Variants in PKD2 observed in about 807,000 individuals in gnomAD.
The protein encoded by PKD2 is polycystin 2, transient receptor potential cation channel, also known as polycystin-2.
PKD2 carries 48 observed loss-of-function variants against 105.9 expected under a neutral mutation model. The ratio of observed to expected loss-of-function variants is 0.45; its 90% CI spans 0.36 to 0.58. The LOEUF (loss-of-function observed/expected upper bound fraction) is 0.58. Ranked by LOEUF, PKD2 falls within the 20% of genes least tolerant of loss-of-function variation. The pLI, the probability that PKD2 is intolerant of heterozygous loss-of-function variation, is 0.00. For missense variants in PKD2, 1,078 were observed against 1,255.3 expected (o/e 0.86, Z 2.13); for synonymous variants, 464 against 481.1 (o/e 0.96, Z 0.46).
chr4:88,033,248 G>T (rs28384219), intron 2 of PKD2, among the ~76,000 whole-genome samples: 1 of 151,962 alleles, frequency 6.6e-6, no homozygotes. Flanking sequence ...GCAGCATGGC[G>T]AAACCCCGTC....
At chr4:88,049,302 C>G (rs1727890066) in intron 6 of PKD2, among the ~76,000 whole-genome samples, 1 of 152,214 alleles carries the variant, frequency 6.6e-6, no homozygotes, top group African/African-American at 2.4e-5. Context: ...TTTCTTACCA[C>G]CTACCTAGAA....
chr4:88,070,633 G>GAGAGAGAGAGAA (rs1720997808), intron 13 of PKD2, among the ~76,000 whole-genome samples: 5 of 147,076 alleles, frequency 3.4e-5, no homozygotes, highest in African/African-American at 1.2e-4. Context: ...GAGAGAAAGA[G>GAGAGAGAGAGAA]AGAGAGAGAG....
chr4:88,024,457 G>GAAA (rs552942631), intron 2 of PKD2, among the ~76,000 whole-genome samples: 49 of 50,362 alleles, frequency 9.7e-4, no homozygotes, highest in African/African-American at 3.7e-3. Flanking sequence ...ACTCTGTCTC[G>GAAA]AAAAAAAAAA....
chr4:88,008,036 G>A lies in PKD2; in HGVS notation c.303G>A (p.Glu101=), dbSNP rs1410235768. ...GCTTCGAGGCCGAGGAGGAGGAGGA[G>A]GAGGTGGAAGGGGAAGAAGGCGGAA... ...NPGFEAEEEE[E]EVEGEEGGMV... is the part of the protein sequence containing the mutation. Residue 101 remains glutamate (E), a synonymous_variant, in exon 1 of 15, where the codon GAG becomes GAA. Transcript: ENST00000237596. 14 of 1,521,676 alleles carry A rather than the reference G, an allele frequency of 9.2e-6. No individual in the cohort carries two copies. The highest frequency in any genetic ancestry group is 1.7e-4 in the Middle Eastern group (1 of 5,946). 94.3% of individuals were successfully genotyped at this position (1,521,676 alleles called of 1,614,324 possible). A position where few individuals can be genotyped will look rare whatever the true frequency, so the allele number is the denominator to read the frequency against.
At chr4:88,011,499 T>C (rs757615939) in intron 1 of PKD2, among the ~76,000 whole-genome samples, 1 of 152,152 alleles carries the variant, frequency 6.6e-6, no homozygotes, top group Non-Finnish European at 1.5e-5. Flanking sequence ...CCTGGAATAA[T>C]GAATGAAATA....
intron 2 of PKD2, among the ~76,000 whole-genome samples, chr4:88,035,465 G>A (rs1291899188): frequency 1.3e-5 from 2 of 152,336 alleles, no homozygotes; most frequent in East Asian, 3.9e-4. Context: ...ACAAGGGGAA[G>A]TGATGCACTC....
At chr4:88,050,889 A>G (rs1288056074) in intron 6 of PKD2, among the ~76,000 whole-genome samples, 1 of 152,192 alleles carries the variant, frequency 6.6e-6, no homozygotes, top group Non-Finnish European at 1.5e-5. Flanking sequence ...GGTCTTTGCT[A>G]TGAGAATCAG....
intron 13 of PKD2, 74 bp from the exon 14 acceptor site, chr4:88,074,738 C>T: frequency 1.3e-6 from 2 of 1,504,204 alleles, no homozygotes; most frequent in Non-Finnish European, 1.9e-6. Flanking sequence ...CTTAGCACTT[C>T]CTTTTGAAAA....
chr4:88,064,672 G>A (rs189776967), intron 10 of PKD2, among the ~76,000 whole-genome samples: 3 of 151,762 alleles, frequency 2.0e-5, no homozygotes, highest in Non-Finnish European at 4.4e-5. Context: ...CAGGCAGATC[G>A]CTTGAGCTCA....
intron 13 of PKD2, among the ~76,000 whole-genome samples, chr4:88,070,688 A>G (rs1578151061): frequency 6.6e-6 from 1 of 151,148 alleles, no homozygotes; most frequent in African/African-American, 2.4e-5. Flanking sequence ...GCTGGAGTAC[A>G]GTGGTGTAAT....
At chr4:88,044,477 C>A (rs1259961435) in intron 5 of PKD2, among the ~76,000 whole-genome samples, 4 of 152,156 alleles carry the variant, frequency 2.6e-5, no homozygotes, top group Non-Finnish European at 5.9e-5. Flanking sequence ...TTGTATTTAA[C>A]AACATTTGCA....
At chr4:88,047,021 T>C in intron 6 of PKD2, 151 bp downstream of exon 6, 1 of 689,188 alleles carries the variant, frequency 1.5e-6, no homozygotes. Context: ...ACTAATTATT[T>C]TCTCATTTTG....
chr4:88,068,581 A>T (rs985562753), intron 13 of PKD2, among the ~76,000 whole-genome samples: 2 of 152,250 alleles, frequency 1.3e-5, no homozygotes, highest in African/African-American at 2.4e-5. Context: ...ATTTCTACCA[A>T]TGAAAAATGT....
At chr4:88,012,538 A>AT (rs938963394) in intron 1 of PKD2, among the ~76,000 whole-genome samples, 4 of 151,916 alleles carry the variant, frequency 2.6e-5, no homozygotes, top group South Asian at 2.1e-4. Flanking sequence ...CTGCCTCTCT[A>AT]TTTTTTTTAA....
chr4:88,041,004 A>C (rs575991483), intron 4 of PKD2, among the ~76,000 whole-genome samples: 1 of 152,316 alleles, frequency 6.6e-6, no homozygotes, highest in Admixed American at 6.5e-5. Flanking sequence ...CAGGAAACAG[A>C]AGAAACGTCC....
chr4:88,014,263 G>A (rs1396814371), intron 1 of PKD2, among the ~76,000 whole-genome samples: 1 of 152,148 alleles, frequency 6.6e-6, no homozygotes, highest in Non-Finnish European at 1.5e-5. Context: ...AATTTTGCGG[G>A]AGGTGAGTGT....
At chr4:88,043,178 C>T (rs1221566559) in intron 4 of PKD2, 55 bp from the exon 5 acceptor site, 1 of 1,109,510 alleles carries the variant, frequency 9.0e-7, no homozygotes, top group East Asian at 2.4e-5. Flanking sequence ...CTTGTAATTG[C>T]CTCAAGTGTT....
At chr4:88,044,337 A>G (rs1727690847) in intron 5 of PKD2, among the ~76,000 whole-genome samples, 1 of 150,270 alleles carries the variant, frequency 6.7e-6, no homozygotes, top group Admixed American at 6.7e-5. Context: ...CCCAAACATC[A>G]CTAACATGGA....
chr4:88,025,794 ATG>A (rs1171878078), intron 2 of PKD2, among the ~76,000 whole-genome samples: 8 of 152,080 alleles, frequency 5.3e-5, no homozygotes, highest in South Asian at 2.1e-4. Context: ...TGCTGTTCTC[ATG>A]ATAGTGAGTG....
Sources: allele counts gnomAD v4.1 joint callset (sites outside exome capture counted in the v4.1 genomes callset), GRCh38; gene constraint gnomAD v4.1.1; transcripts MANE v1.5; gene names NCBI Gene and HGNC (gene_info 2026-07-23, HGNC 2026-07-21).